Variants in SLC4A5 observed in about 807,000 individuals in gnomAD.
SLC4A5 encodes the protein solute carrier family 4 member 5.
A neutral mutation model predicts 120.4 loss-of-function variants in SLC4A5; 96 were observed. The ratio of observed to expected loss-of-function variants is 0.80; its 90% CI spans 0.68 to 0.94. The LOEUF (loss-of-function observed/expected upper bound fraction) is 0.94. Among genes scored for constraint, SLC4A5 ranks in the 40% least tolerant of loss-of-function variants. The pLI is 0.00. For missense variants in SLC4A5, 1,259 were observed against 1,459.5 expected, an observed-to-expected ratio of 0.86 and a Z score of 2.24; for synonymous variants, 550 against 571.1, an observed-to-expected ratio of 0.96 and a Z score of 0.53.
chr2:74,311,873 G>A (rs532101107), intron 6 of SLC4A5, among the ~76,000 whole-genome samples: 5 of 152,082 alleles, frequency 3.3e-5, no homozygotes, highest in African/African-American at 7.2e-5. Context: ...TCTGCCTGCC[G>A]GATCTGTCAA....
intron 8 of SLC4A5, among the ~76,000 whole-genome samples, chr2:74,281,679 C>A (rs1573058058): frequency 6.6e-6 from 1 of 152,152 alleles, no homozygotes. Context: ...CATTTAAATC[C>A]CTCCAGGAGT....
Position 74,290,619 on chromosome 2 carries a change from A to AGAGAG in SLC4A5, c.272-4718_272-4717insCTCTC, listed in dbSNP as rs1339211858. On this transcript the variant is annotated intron_variant, in intron 7 of 30. Coordinates refer to ENST00000394019, the Ensembl canonical transcript of SLC4A5. ...GAGAGAGACAGAGAGAGAGACAGAG[A>AGAGAG]AGTGAGAGAGAGAGAGAGAGAGAGA... 61 of 910,804 alleles carry AGAGAG rather than the reference A, an allele frequency of 6.7e-5. No homozygotes were observed. The African/African-American group carries it at 1.7e-3, about 26-fold the overall frequency. 56.4% of individuals were successfully genotyped at this position (910,804 alleles called of 1,614,324 possible).
At position 74,232,197 on chromosome 2, in the gene SLC4A5, C is replaced by T. The variant is rs561135006; in HGVS notation, c.2774+272G>A. ...GAAGCCTTGTGGGGACCTTGGGTGG[C>T]TGATGAAGATGAGTGTCTGGCACGT... On this transcript the variant is annotated intron_variant, in intron 24 of 30. Coordinates refer to ENST00000394019, the Ensembl canonical transcript of SLC4A5. Among the ~76,000 whole-genome samples, 4 of 152,220 alleles carry T rather than the reference C, an allele frequency of 2.6e-5. No homozygotes were observed. In the East Asian group the frequency reaches 7.7e-4, roughly 29 times the overall value.
intron 5 of SLC4A5, among the ~76,000 whole-genome samples, chr2:74,324,574 A>T (rs1240043607): frequency 2.6e-5 from 4 of 152,210 alleles, no homozygotes; most frequent in Non-Finnish European, 5.9e-5. Flanking sequence ...ATTTTAAGAA[A>T]GTAACTCCCA....
At chr2:74,319,183 T>C (rs1414882195) in intron 5 of SLC4A5, among the ~76,000 whole-genome samples, 1 of 151,648 alleles carries the variant, frequency 6.6e-6, no homozygotes, top group Non-Finnish European at 1.5e-5. Context: ...ACATGTAGAG[T>C]GAAATAACAG....
chr2:74,224,762 C>T, intron 28 of SLC4A5, 78 bp downstream of exon 28: 1 of 1,548,308 alleles, frequency 6.5e-7, no homozygotes, highest in East Asian at 2.2e-5. Context: ...AAGAAGCCGC[C>T]CTCTCCCTGT....
At chr2:74,232,670 G>A (rs1444129197) in intron 23 of SLC4A5, 23 bp from the exon 24 acceptor site, 2 of 1,607,626 alleles carry the variant, frequency 1.2e-6, no homozygotes, top group South Asian at 1.1e-5. Context: ...GGTTGGGGGA[G>A]GGAGAAGTTT....
At chr2:74,286,833 A>G (rs1282479565) in intron 7 of SLC4A5, among the ~76,000 whole-genome samples, 2 of 152,192 alleles carry the variant, frequency 1.3e-5, no homozygotes, top group African/African-American at 4.8e-5. Context: ...CTGGAGGAAG[A>G]GTGCTCTGCA....
intron 8 of SLC4A5, among the ~76,000 whole-genome samples, chr2:74,277,306 T>C (rs1427214543): frequency 2.6e-5 from 4 of 152,074 alleles, no homozygotes; most frequent in African/African-American, 4.8e-5. Flanking sequence ...TCCCAGCACT[T>C]TGGGAGGCTG....
chr2:74,341,617 G>A (rs1336414379), intron 2 of SLC4A5, among the ~76,000 whole-genome samples: 2 of 152,152 alleles, frequency 1.3e-5, no homozygotes, highest in African/African-American at 2.4e-5. Context: ...CCCACATCAG[G>A]CAGCCCATGC....
At chr2:74,244,595 T>G (rs1323124044) in intron 19 of SLC4A5, among the ~76,000 whole-genome samples, 2 of 151,670 alleles carry the variant, frequency 1.3e-5, no homozygotes, top group Non-Finnish European at 2.9e-5. Flanking sequence ...TCCTCCTCCT[T>G]GCTCTCGCTC....
At chr2:74,276,708 G>T (rs1322034689) in intron 8 of SLC4A5, among the ~76,000 whole-genome samples, 1 of 152,210 alleles carries the variant, frequency 6.6e-6, no homozygotes, top group African/African-American at 2.4e-5. Flanking sequence ...TGGGGTGTCT[G>T]CTCTCCCTGT....
chr2:74,325,972 C>T (rs558904877), intron 5 of SLC4A5, among the ~76,000 whole-genome samples: 53 of 151,342 alleles, frequency 3.5e-4, no homozygotes, highest in Middle Eastern at 3.4e-3. Flanking sequence ...GGGAGAAAGA[C>T]GAAAGAGAAA....
intron 23 of SLC4A5, among the ~76,000 whole-genome samples, chr2:74,233,062 G>A (rs908584797): frequency 2.0e-5 from 3 of 152,202 alleles, no homozygotes; most frequent in African/African-American, 4.8e-5. Flanking sequence ...AGACCAGGAA[G>A]GCTAAGGAAG....
intron 5 of SLC4A5, among the ~76,000 whole-genome samples, chr2:74,320,395 A>C (rs1242750159): frequency 6.6e-6 from 1 of 152,186 alleles, no homozygotes; most frequent in African/African-American, 2.4e-5. Context: ...AAATCTTAAA[A>C]GCTTCCAGAA....
intron 29 of SLC4A5, among the ~76,000 whole-genome samples, chr2:74,222,581 T>A (rs904761620): frequency 6.6e-6 from 1 of 152,162 alleles, no homozygotes; most frequent in Admixed American, 6.5e-5. Flanking sequence ...TAGATTCTCA[T>A]AAGGGTGAGA....
chr2:74,259,759 C>G lies in SLC4A5; in HGVS notation c.812-116G>C, dbSNP rs559911204. On this transcript the variant is annotated intron_variant, in intron 11 of 30. Transcript: ENST00000394019. ...TTCATAACCAAAGCAAACTCCCTCCCCCTTAATCCTGCAGTCCCCTTAAAC... is the reference window on the plus strand; with the variant it reads ...TTCATAACCAAAGCAAACTCCCTCCGCCTTAATCCTGCAGTCCCCTTAAAC... 5.4e-6 allele frequency: 5 copies of G among 931,300 alleles called. No homozygotes were observed. In the South Asian group the frequency reaches 6.6e-5, roughly 12 times the overall value. The allele number at this position is 931,300 out of a possible 1,614,324, so 57.7% of individuals were successfully genotyped here. A position where few individuals can be genotyped will look rare whatever the true frequency, so the allele number is the denominator to read the frequency against.
chr2:74,299,471 A>G (rs1233565073), intron 7 of SLC4A5, among the ~76,000 whole-genome samples: 1 of 152,196 alleles, frequency 6.6e-6, no homozygotes, highest in Non-Finnish European at 1.5e-5. Context: ...TTCTGCCGTG[A>G]TTGTGAGCCC....
intron 8 of SLC4A5, among the ~76,000 whole-genome samples, chr2:74,267,353 C>T (rs930218765): frequency 8.5e-5 from 13 of 152,130 alleles, no homozygotes; most frequent in African/African-American, 2.7e-4. Flanking sequence ...TATACAAGGA[C>T]GCTCGATGAA....
Sources: gnomAD v4.1 joint callset for allele counts (sites outside exome capture counted in the v4.1 genomes callset) on GRCh38, gnomAD v4.1.1 for gene constraint, MANE v1.5 for transcripts, NCBI Gene and HGNC (gene_info 2026-07-23, HGNC 2026-07-21) for gene names.